Variants in MKRN1 observed in about 807,000 individuals in gnomAD.
MKRN1 encodes the protein makorin ring finger protein 1.
Under a neutral mutation model 55.5 loss-of-function variants are expected in MKRN1, and 9 were observed. The observed-to-expected ratio is 0.16, with a 90% CI of 0.10 to 0.28. The LOEUF (loss-of-function observed/expected upper bound fraction) is 0.28, where lower values mean the gene tolerates loss of function less well. Ranked by LOEUF, MKRN1 falls within the 10% of genes least tolerant of loss-of-function variation. MKRN1 has a pLI of 1.00. For synonymous variants in MKRN1, 253 were observed against 235.9 expected (o/e 1.07, Z -0.66); for missense variants, 488 against 626.7 (o/e 0.78, Z 2.36).
intron 2 of MKRN1, among the ~76,000 whole-genome samples, chr7:140,467,333 G>A (rs2130313132): frequency 6.6e-6 from 1 of 152,068 alleles, no homozygotes; most frequent in South Asian, 2.1e-4. Context: ...CTGGAGTACA[G>A]TGGCACAATC....
chr7:140,464,550 A>G (rs754828567), intron 2 of MKRN1, among the ~76,000 whole-genome samples: 2 of 152,048 alleles, frequency 1.3e-5, no homozygotes, highest in Non-Finnish European at 2.9e-5. Context: ...TAAAAACGCA[A>G]AAGAATTAGC....
chr7:140,465,474 A>G (rs1794740415), intron 2 of MKRN1, among the ~76,000 whole-genome samples: 1 of 152,106 alleles, frequency 6.6e-6, no homozygotes, highest in Non-Finnish European at 1.5e-5. Context: ...CTCCATCTAA[A>G]AAAAAAGAAA....
chr7:140,455,165 T>C lies in MKRN1; in HGVS notation c.1166A>G (p.Lys389Arg), dbSNP rs1794431680. The change falls in exon 7 of 8, where the codon AAG (lysine) becomes AGG (arginine). Residue 389 changes from lysine to arginine, a missense_variant. Lys to Arg is a conservative substitution (Grantham distance 26). Coordinates refer to ENST00000255977, the MANE Select transcript of MKRN1 (RefSeq NM_013446.4). ...TCTACGGCCATCAGGGTACGCATGC[T>C]TGTAAAAACAGTTCCCTCCAAATGG... Reference protein sequence around the residue: ...SCPFGGNCFYKHAYPDGRREE... With the variant: ...SCPFGGNCFYRHAYPDGRREE... 6.2e-7 allele frequency: 1 copy of C among 1,614,074 alleles called. No homozygotes were observed. Among genetic ancestry groups the C allele is most frequent in the East Asian group, 2.2e-5 (1 of 44,858 alleles).
intron 5 of MKRN1, 133 bp downstream of exon 5, chr7:140,456,519 C>T: frequency 6.9e-7 from 1 of 1,455,960 alleles, no homozygotes; most frequent in Non-Finnish European, 9.1e-7. Context: ...AGAAGAAATC[C>T]CCATTAGAAT....
chr7:140,455,081 A>C lies in MKRN1; in HGVS notation c.1236+14T>G. ...TTGGAATTTCCCCTCCTTTAAAAAA[A>C]CAGTGAGAGTTACCCGGTATCTGCT... On this transcript the variant is annotated intron_variant, in intron 7 of 7. Coordinates refer to ENST00000255977, the MANE Select transcript of MKRN1 (RefSeq NM_013446.4). 6.2e-7 allele frequency: 1 copy of C among 1,611,874 alleles called. No individual in the cohort carries two copies. Among genetic ancestry groups the C allele is most frequent in the Non-Finnish European group, 8.5e-7 (1 of 1,179,540 alleles).
chr7:140,465,068 T>G (rs527549548), intron 2 of MKRN1, among the ~76,000 whole-genome samples: 67 of 152,314 alleles, frequency 4.4e-4, no homozygotes, highest in Non-Finnish European at 8.7e-4. Flanking sequence ...TTTAATCAAT[T>G]TTTCTGTCTC....
Position 140,454,386 on chromosome 7 carries a change from G to C in MKRN1, c.*131C>G. ...TGAGGGGTTGAGAAGACAGGCCCTG[G>C]GTAAAAATTCTTAGGACAGCACCTG... On this transcript the variant is annotated 3_prime_UTR_variant, in exon 8 of 8. Transcript: ENST00000255977. The C allele has an allele frequency of 1.3e-6, 1 of 797,792 alleles. No homozygotes were observed. Among genetic ancestry groups the C allele is most frequent in the Non-Finnish European group, 2.1e-6 (1 of 485,364 alleles). The allele number at this position is 797,792 out of a possible 1,614,324, so 49.4% of individuals were successfully genotyped here. A position where few individuals can be genotyped will look rare whatever the true frequency, so the allele number is the denominator to read the frequency against.
intron 2 of MKRN1, among the ~76,000 whole-genome samples, chr7:140,467,470 G>T (rs1461845253): frequency 6.6e-6 from 1 of 151,928 alleles, no homozygotes; most frequent in Non-Finnish European, 1.5e-5. Context: ...TAGAGACGAG[G>T]TTTAACCATG....
chr7:140,459,195 C>T lies in MKRN1; in HGVS notation c.583G>A (p.Val195Met). ...SCTEAPLQGS[V>M]TKEESEKEQT... ...TCTTTCTCTGATTCTTCCTTGGTCACTGAGCCCTGCAGGGGTGCTTCAGTG... is the reference window on the plus strand; with the variant it reads ...TCTTTCTCTGATTCTTCCTTGGTCATTGAGCCCTGCAGGGGTGCTTCAGTG... Residue 195 changes from valine to methionine, a missense_variant, in exon 4 of 8, where the codon GTG becomes ATG. Physicochemically the swap from Val to Met is conservative, Grantham distance 21. Coordinates refer to ENST00000255977, the MANE Select transcript of MKRN1 (RefSeq NM_013446.4). 6.2e-7 allele frequency: 1 copy of T among 1,613,946 alleles called. No homozygotes were observed. Among genetic ancestry groups the T allele is most frequent in the Non-Finnish European group, 8.5e-7 (1 of 1,179,862 alleles).
chr7:140,460,033 G>A, intron 2 of MKRN1, 97 bp from the exon 3 acceptor site: 4 of 1,073,262 alleles, frequency 3.7e-6, no homozygotes, highest in Non-Finnish European at 5.5e-6. Context: ...GATCACCAGA[G>A]AGGTTGGGAG....
At chr7:140,465,080 G>C (rs1794731321) in intron 2 of MKRN1, among the ~76,000 whole-genome samples, 1 of 152,176 alleles carries the variant, frequency 6.6e-6, no homozygotes, top group Non-Finnish European at 1.5e-5. Context: ...TTCTGTCTCT[G>C]TAAGAGAAAA....
chr7:140,470,516 C>T (rs1794894527), intron 2 of MKRN1, among the ~76,000 whole-genome samples: 2 of 151,766 alleles, frequency 1.3e-5, no homozygotes, highest in Non-Finnish European at 2.9e-5. Flanking sequence ...ACCCAGGAGG[C>T]GGAGGTTGCA....
chr7:140,456,269 C>T (rs1330838222), intron 5 of MKRN1: 19 of 1,161,586 alleles, frequency 1.6e-5, no homozygotes, highest in Non-Finnish European at 2.0e-5. Flanking sequence ...TGAGAACAAT[C>T]TTTAAAGGAT....
In MKRN1 at chr7:140,453,346, T is replaced by C. The variant is rs979851604; in HGVS notation, c.*1171A>G. 1 of 152,590 alleles carries C rather than the reference T, an allele frequency of 6.6e-6. No individual in the cohort carries two copies. The highest frequency in any genetic ancestry group is 2.4e-5 in the African/African-American group (1 of 41,440). 9.5% of individuals were successfully genotyped at this position (152,590 alleles called of 1,614,324 possible). A position where few individuals can be genotyped will look rare whatever the true frequency, so the allele number is the denominator to read the frequency against. ...TCGGTGGAAAAGTATGACTTATCACTGCAAACCCATTACTCCACTACAATA... is the reference window on the plus strand; with the variant it reads ...TCGGTGGAAAAGTATGACTTATCACCGCAAACCCATTACTCCACTACAATA... On this transcript the variant is annotated 3_prime_UTR_variant, in exon 8 of 8. Coordinates refer to ENST00000255977, the MANE Select transcript of MKRN1 (RefSeq NM_013446.4).
chr7:140,460,810 T>C (rs550311379), intron 2 of MKRN1, among the ~76,000 whole-genome samples: 123 of 152,366 alleles, frequency 8.1e-4, no homozygotes, highest in Non-Finnish European at 1.1e-3. Flanking sequence ...TTTTAGGCTT[T>C]GTAGGTCATA....
intron 5 of MKRN1, chr7:140,456,306 T>C: frequency 3.4e-6 from 4 of 1,178,534 alleles, no homozygotes; most frequent in Non-Finnish European, 4.2e-6. Context: ...GCTTAATGAA[T>C]GGAATAGGAA....
At chr7:140,475,011 G>A (rs7790232) in intron 1 of MKRN1, among the ~76,000 whole-genome samples, 40,525 of 151,608 alleles carry the variant, frequency 0.27, 9,335 homozygotes, top group African/African-American at 0.63. Context: ...GAGACACCAC[G>A]CCCAGCTGAT....
intron 4 of MKRN1, among the ~76,000 whole-genome samples, chr7:140,458,143 A>G (rs1375219444): frequency 2.0e-5 from 3 of 152,216 alleles, no homozygotes; most frequent in Admixed American, 6.5e-5. Flanking sequence ...CAGAGTTCCT[A>G]TGTAACCCAG....
At chr7:140,463,608 G>A (rs937550334) in intron 2 of MKRN1, among the ~76,000 whole-genome samples, 3 of 152,026 alleles carry the variant, frequency 2.0e-5, no homozygotes, top group Admixed American at 6.5e-5. Flanking sequence ...AGCCCAGGCT[G>A]GACGCGGTGG....
Sources: gnomAD v4.1 joint callset for allele counts (sites outside exome capture counted in the v4.1 genomes callset) on GRCh38, gnomAD v4.1.1 for gene constraint, MANE v1.5 for transcripts, NCBI Gene and HGNC (gene_info 2026-07-23, HGNC 2026-07-21) for gene names.